Variants in ANKDD1B observed in about 807,000 individuals in gnomAD.
The protein encoded by ANKDD1B is ankyrin repeat and death domain-containing protein 1B.
ANKDD1B carries 57 observed loss-of-function variants against 59.7 expected under a neutral mutation model. The ratio of observed to expected loss-of-function variants is 0.95; its 90% confidence interval spans 0.77 to 1.19. The LOEUF is 1.19. ANKDD1B is among the 50% of genes most tolerant of loss of function. ANKDD1B has a pLI of 0.00. For missense variants in ANKDD1B, 602 were observed against 641.9 expected (o/e 0.94, Z 0.67); for synonymous variants, 216 against 239.5 (o/e 0.90, Z 0.91).
chr5:75,642,554 C>T lies in ANKDD1B; in HGVS notation c.798+6672C>T, dbSNP rs374507448. ...CTTTTCAGACCGGCTTAAAAAACGG[C>T]GCACCACGAGACTATATCCCACACC... On this transcript the variant is annotated intron_variant, in intron 7 of 13. Coordinates refer to ENST00000601380, the MANE Select transcript of ANKDD1B (RefSeq NM_001276713.2). 1.3e-3 allele frequency among the ~76,000 whole-genome samples: 185 copies of T among 137,676 alleles called. 1 individual carries two copies. The East Asian group carries it at 0.023, about 17-fold the overall frequency. The allele number at this position is 137,676 out of a possible 152,430, so 90.3% of individuals were successfully genotyped here. A position where few individuals can be genotyped will look rare whatever the true frequency, so the allele number is the denominator to read the frequency against.
chr5:75,657,859 T>C (rs959944535), intron 9 of ANKDD1B, among the ~76,000 whole-genome samples: 1 of 149,610 alleles, frequency 6.7e-6, no homozygotes, highest in East Asian at 2.0e-4. Flanking sequence ...TCGCCACCAC[T>C]GCACTCCAGC....
At chr5:75,658,728 T>G (rs1346711048) in intron 9 of ANKDD1B, among the ~76,000 whole-genome samples, 1 of 152,218 alleles carries the variant, frequency 6.6e-6, no homozygotes, top group African/African-American at 2.4e-5. Flanking sequence ...AAGTTTCAAA[T>G]GTTATATCAA....
intron 3 of ANKDD1B, among the ~76,000 whole-genome samples, chr5:75,623,778 G>A (rs1773919252): frequency 6.6e-6 from 1 of 151,990 alleles, no homozygotes; most frequent in Non-Finnish European, 1.5e-5. Context: ...CCCACCCACG[G>A]CATGACAGTA....
intron 7 of ANKDD1B, among the ~76,000 whole-genome samples, chr5:75,645,113 A>G: frequency 8.5e-6 from 1 of 117,426 alleles, no homozygotes; most frequent in Non-Finnish European, 1.6e-5. Flanking sequence ...GTAGAGGGAA[A>G]TTTATAGCAC....
At chr5:75,626,884 G>C (rs1289374961) in intron 5 of ANKDD1B, among the ~76,000 whole-genome samples, 1 of 152,010 alleles carries the variant, frequency 6.6e-6, no homozygotes, top group African/African-American at 2.4e-5. Context: ...TCATGAATGG[G>C]ATTTCCTTTT....
intron 3 of ANKDD1B, among the ~76,000 whole-genome samples, chr5:75,624,510 C>G (rs1336176426): frequency 6.6e-6 from 1 of 152,214 alleles, no homozygotes; most frequent in East Asian, 1.9e-4. Flanking sequence ...CTACAGGTCA[C>G]TAAGTCCTGG....
chr5:75,661,061 T>C (rs1472475048), intron 10 of ANKDD1B, among the ~76,000 whole-genome samples: 2 of 150,612 alleles, frequency 1.3e-5, no homozygotes, highest in Non-Finnish European at 2.9e-5. Context: ...TGTCAGTTTC[T>C]AAAATTAGGT....
At chr5:75,635,051 G>C in intron 6 of ANKDD1B, 55 bp downstream of exon 6, 1 of 1,149,806 alleles carries the variant, frequency 8.7e-7, no homozygotes, top group East Asian at 2.6e-5. Flanking sequence ...AGTAACAATT[G>C]ATGTAGAGGG....
intron 12 of ANKDD1B, 62 bp from the exon 13 acceptor site, chr5:75,669,190 T>A: frequency 8.1e-7 from 1 of 1,229,400 alleles, no homozygotes; most frequent in Non-Finnish European, 1.0e-6. Context: ...GGAACTGAGA[T>A]CACAATGGAA....
chr5:75,658,617 T>A (rs1775035848), intron 9 of ANKDD1B, among the ~76,000 whole-genome samples: 2 of 152,222 alleles, frequency 1.3e-5, no homozygotes, highest in African/African-American at 4.8e-5. Context: ...AATCCCTTCA[T>A]CTAGACCTTA....
chr5:75,620,980 TCCAGG>T (rs1365752403), intron 3 of ANKDD1B, among the ~76,000 whole-genome samples: 1 of 152,178 alleles, frequency 6.6e-6, no homozygotes, highest in Non-Finnish European at 1.5e-5. Context: ...TAGGTCTGCC[TCCAGG>T]ACCAAGTAGG....
chr5:75,632,534 T>A (rs1774193138), intron 5 of ANKDD1B, among the ~76,000 whole-genome samples: 1 of 152,200 alleles, frequency 6.6e-6, no homozygotes, highest in Non-Finnish European at 1.5e-5. Flanking sequence ...AACCAAGCAC[T>A]GTGGCCAAGG....
chr5:75,648,566 T>C lies in ANKDD1B; in HGVS notation c.799-4576T>C, dbSNP rs1774724206. 2.0e-5 allele frequency among the ~76,000 whole-genome samples: 3 copies of C among 152,234 alleles called. No homozygotes were observed. In the South Asian group the frequency reaches 6.2e-4, roughly 32 times the overall value. ...GAGACTTCAGGCTCCATATTGCCCCTGTCCTTACAGCCAGTGGTCTCAGCT... is the reference window on the plus strand; with the variant it reads ...GAGACTTCAGGCTCCATATTGCCCCCGTCCTTACAGCCAGTGGTCTCAGCT... On this transcript the variant is annotated intron_variant, in intron 7 of 13. Coordinates refer to ENST00000601380, the MANE Select transcript of ANKDD1B (RefSeq NM_001276713.2).
intron 7 of ANKDD1B, among the ~76,000 whole-genome samples, chr5:75,640,323 G>A (rs535495688): frequency 1.3e-5 from 2 of 152,264 alleles, no homozygotes; most frequent in South Asian, 4.1e-4. Flanking sequence ...GGGATTACAG[G>A]CCGAGCCACT....
intron 1 of ANKDD1B, among the ~76,000 whole-genome samples, chr5:75,615,255 G>A (rs1051501308): frequency 1.3e-5 from 2 of 152,222 alleles, no homozygotes; most frequent in Non-Finnish European, 2.9e-5. Context: ...TTCAGAGGTA[G>A]TGCAGTTTGA....
chr5:75,616,626 A>T (rs1199193265), intron 1 of ANKDD1B, among the ~76,000 whole-genome samples, 178 bp from the exon 2 acceptor site: 1 of 152,224 alleles, frequency 6.6e-6, no homozygotes, highest in Non-Finnish European at 1.5e-5. Context: ...GCATGAGGAG[A>T]AAATGAAATC....
At chr5:75,662,689 GAA>G (rs1482983242) in intron 10 of ANKDD1B, among the ~76,000 whole-genome samples, 1 of 152,058 alleles carries the variant, frequency 6.6e-6, no homozygotes, top group East Asian at 1.9e-4. Context: ...TCCATCTTGA[GAA>G]AAGTGTACCT....
rs567456040 is a variant in ANKDD1B, at chr5:75,630,375, A to T, written c.600+4420A>T. On this transcript the variant is annotated intron_variant, in intron 5 of 13. Coordinates refer to ENST00000601380, the MANE Select transcript of ANKDD1B (RefSeq NM_001276713.2). ...CATATATTTATTACAGATTATTTTA[A>T]ATGTCTTTACTTTGTGTAATTTTGC... Among the ~76,000 whole-genome samples the T allele has an allele frequency of 6.6e-5, 10 of 152,298 alleles. 1 individual carries two copies. In the East Asian group the frequency reaches 1.9e-3, roughly 29 times the overall value.
At position 75,656,084 on chromosome 5, in the gene ANKDD1B, A is replaced by T; in HGVS notation, c.953A>T (p.Asn318Ile). Residue 318 changes from asparagine to isoleucine, a missense_variant, in exon 9 of 14, where the codon AAC becomes ATC. This residue lies in a region of ANKDD1B where 280 missense variants were observed against 319.8 expected (regional missense o/e 0.88). Transcript: ENST00000601380. Reference sequence around the variant, plus strand: ...ATCAACAACCACATCACGGTTGTAAACAGTTTATTAAGTGCACAGCATGAT... The same window carrying T: ...ATCAACAACCACATCACGGTTGTAATCAGTTTATTAAGTGCACAGCATGAT... Reference protein sequence around the residue: ...VVINNHITVVNSLLSAQHDID... With the variant: ...VVINNHITVVISLLSAQHDID... The T allele has an allele frequency of 6.5e-7, 1 of 1,529,994 alleles. No individual in the cohort carries two copies. Among genetic ancestry groups the T allele is most frequent in the Non-Finnish European group, 8.8e-7 (1 of 1,141,478 alleles). The allele number at this position is 1,529,994 out of a possible 1,614,324, so 94.8% of individuals were successfully genotyped here. A position where few individuals can be genotyped will look rare whatever the true frequency, so the allele number is the denominator to read the frequency against.
Sources: allele counts gnomAD v4.1 joint callset (sites outside exome capture counted in the v4.1 genomes callset), GRCh38; gene constraint gnomAD v4.1.1; regional missense constraint gnomAD v4.1.1; transcripts MANE v1.5; gene names NCBI Gene and HGNC (gene_info 2026-07-23, HGNC 2026-07-21).